The following ATP6V0D2 variants were observed in gnomAD, a reference collection of about 807,000 sequenced individuals.
ATP6V0D2 encodes the protein V-type proton ATPase subunit d 2.
A neutral mutation model predicts 40.0 loss-of-function variants in ATP6V0D2; 40 were observed. That is an observed-to-expected ratio of 1.00 (90% CI 0.78 to 1.30). The LOEUF (loss-of-function observed/expected upper bound fraction) is 1.30, where lower values mean the gene tolerates loss of function less well. Among genes scored for constraint, ATP6V0D2 ranks in the 50% most tolerant of loss-of-function variants. The probability of loss-of-function intolerance (pLI) is 0.00; values close to 1 mark genes in which losing one functional copy is unlikely to be tolerated. For missense variants in ATP6V0D2, 470 were observed against 423.1 expected (o/e 1.11, Z -0.97); for synonymous variants, 179 against 156.3 (o/e 1.15, Z -1.08).
At chr8:86,103,291 ATTTT>A (rs938035037) in intron 1 of ATP6V0D2, among the ~76,000 whole-genome samples, 2 of 107,456 alleles carry the variant, frequency 1.9e-5, no homozygotes, top group African/African-American at 3.4e-5. Flanking sequence ...CTAGTTTTGT[ATTTT>A]TTTTTTTTTT....
chr8:86,139,709 C>A, intron 3 of ATP6V0D2, 74 bp downstream of exon 3: 1 of 1,452,578 alleles, frequency 6.9e-7, no homozygotes, highest in Non-Finnish European at 9.2e-7. Context: ...CTATTTTTTT[C>A]TTCCCTGTGG....
Position 86,139,453 on chromosome 8 carries a change from C to T in ATP6V0D2, c.303-4C>T. 1 of 1,597,654 alleles carries T rather than the reference C, an allele frequency of 6.3e-7. No homozygotes were observed. The highest frequency in any genetic ancestry group is 1.8e-5 in the Admixed American group (1 of 56,712). Reference sequence around the variant, plus strand: ...TCTAATGATTGAGTTGTCTTCTGAACCAGGTGCAGTTATATGATAGACAAT... The same window carrying T: ...TCTAATGATTGAGTTGTCTTCTGAATCAGGTGCAGTTATATGATAGACAAT... On this transcript the variant is annotated splice_polypyrimidine_tract_variant and splice_region_variant and intron_variant, in intron 2 of 7. Transcript: ENST00000285393.
chr8:86,140,359 C>T (rs1818956075), intron 3 of ATP6V0D2, among the ~76,000 whole-genome samples: 1 of 152,020 alleles, frequency 6.6e-6, no homozygotes, highest in Admixed American at 6.6e-5. Flanking sequence ...CATCATTAAG[C>T]ACCCGATACT....
At chr8:86,102,608 A>C (rs1228852234) in intron 1 of ATP6V0D2, among the ~76,000 whole-genome samples, 1 of 152,216 alleles carries the variant, frequency 6.6e-6, no homozygotes, top group Non-Finnish European at 1.5e-5. Flanking sequence ...GTTTTGGGTA[A>C]ATTTAGAAGA....
At chr8:86,141,641 G>A (rs972921917) in intron 4 of ATP6V0D2, 112 bp downstream of exon 4, 20 of 710,956 alleles carry the variant, frequency 2.8e-5, no homozygotes, top group African/African-American at 5.4e-5. Context: ...TTATGAAACT[G>A]TGCATATTTG....
chr8:86,131,348 C>T (rs1485660869), intron 2 of ATP6V0D2, among the ~76,000 whole-genome samples: 1 of 150,334 alleles, frequency 6.7e-6, no homozygotes, highest in Admixed American at 6.6e-5. Flanking sequence ...TACAGGCGCA[C>T]ACCAACACGC....
intron 2 of ATP6V0D2, among the ~76,000 whole-genome samples, chr8:86,121,614 G>GAGA (rs1475955932): frequency 5.4e-5 from 8 of 147,942 alleles, no homozygotes; most frequent in Non-Finnish European, 1.2e-4. Context: ...GGAGGAGGAG[G>GAGA]AGGAGAAGGA....
rs1393167903 is a variant in ATP6V0D2 at position 86,136,432 on chromosome 8, A to C, written c.303-3025A>C. Reference sequence around the variant, plus strand: ...AGGGGAGGTTGTGGGGAACAATTAAATGTCTGGAGTCTGCTAAGCATTATT... The same window carrying C: ...AGGGGAGGTTGTGGGGAACAATTAACTGTCTGGAGTCTGCTAAGCATTATT... On this transcript the variant is annotated intron_variant, in intron 2 of 7. Coordinates refer to ENST00000285393, the MANE Select transcript of ATP6V0D2 (RefSeq NM_152565.1). Among the ~76,000 whole-genome samples the C allele has an allele frequency of 2.6e-5, 4 of 152,230 alleles. No homozygotes were observed. The East Asian group carries it at 7.7e-4, about 29-fold the overall frequency.
intron 2 of ATP6V0D2, among the ~76,000 whole-genome samples, chr8:86,131,593 C>CG (rs1327375921): frequency 6.6e-6 from 1 of 151,438 alleles, no homozygotes; most frequent in Non-Finnish European, 1.5e-5. Context: ...TTCTGCCTCC[C>CG]GGGTTCAAGT....
At chr8:86,132,249 AT>A (rs200401160) in intron 2 of ATP6V0D2, among the ~76,000 whole-genome samples, 40 of 150,304 alleles carry the variant, frequency 2.7e-4, no homozygotes, top group Admixed American at 4.0e-4. Flanking sequence ...GGTCCATGCA[AT>A]TTTTTTTTTA....
At chr8:86,146,539 T>A (rs13340600) in intron 5 of ATP6V0D2, among the ~76,000 whole-genome samples, 1 of 151,692 alleles carries the variant, frequency 6.6e-6, no homozygotes. Context: ...CTACAAAAAA[T>A]ACAGAAATTA....
Position 86,142,958 on chromosome 8 carries a change from A to G in ATP6V0D2, c.639+4A>G. 1 of 1,599,310 alleles carries G rather than the reference A, an allele frequency of 6.3e-7. No individual in the cohort carries two copies. The highest frequency in any genetic ancestry group is 8.6e-7 in the Non-Finnish European group (1 of 1,169,428). On this transcript the variant is annotated splice_donor_region_variant and intron_variant, in intron 5 of 7. Coordinates refer to ENST00000285393, the MANE Select transcript of ATP6V0D2 (RefSeq NM_152565.1). ...AGTTATGTGTCCCATTCTTGAGGTA[A>G]GAAAGAGTCCTTGAATTTTGTTATG...
chr8:86,145,546 T>C (rs1049783680), intron 5 of ATP6V0D2, among the ~76,000 whole-genome samples: 113 of 152,246 alleles, frequency 7.4e-4, no homozygotes, highest in Non-Finnish European at 1.1e-3. Flanking sequence ...ATACAGAAAG[T>C]GGATATCGAA....
chr8:86,134,400 A>T (rs1176707686), intron 2 of ATP6V0D2, among the ~76,000 whole-genome samples: 1 of 152,158 alleles, frequency 6.6e-6, no homozygotes, highest in Non-Finnish European at 1.5e-5. Context: ...AAAGGAGAAA[A>T]ATATGGGTAA....
chr8:86,127,469 T>C (rs79785629), intron 2 of ATP6V0D2, among the ~76,000 whole-genome samples: 2 of 152,010 alleles, frequency 1.3e-5, no homozygotes, highest in East Asian at 3.8e-4. Context: ...TTTTTTTTTT[T>C]AATTGAGACA....
intron 1 of ATP6V0D2, among the ~76,000 whole-genome samples, chr8:86,107,590 C>T (rs920120318): frequency 1.1e-4 from 16 of 152,162 alleles, no homozygotes; most frequent in African/African-American, 2.2e-4. Flanking sequence ...AATGGTAAAA[C>T]GCTCTACAAA....
At chr8:86,117,874 T>C (rs1412487222) in intron 2 of ATP6V0D2, among the ~76,000 whole-genome samples, 2 of 151,956 alleles carry the variant, frequency 1.3e-5, no homozygotes, top group Admixed American at 6.6e-5. Context: ...GTGTGCCATA[T>C]AGGAAGGAGG....
In ATP6V0D2 at chr8:86,150,262, A is replaced by T. The variant is rs1324127277; in HGVS notation, c.790A>T (p.Met264Leu). ...LLAQAEDFDQ[M>L]KNVADHYGVY... The stretch of plus-strand genomic sequence containing the variant: ...GGCTCAAGCAGAAGACTTTGACCAG[A>T]TGAAGAACGTAGCGGATCATTACGG... The change falls in exon 6 of 8, where the codon ATG (methionine) becomes TTG (leucine). Residue 264 changes from methionine (M) to leucine (L), a missense_variant. Physicochemically the swap from Met to Leu is conservative, Grantham distance 15. Coordinates refer to ENST00000285393, the MANE Select transcript of ATP6V0D2 (RefSeq NM_152565.1). The T allele has an allele frequency of 1.9e-6, 3 of 1,613,380 alleles. No individual in the cohort carries two copies. In the South Asian group the frequency reaches 3.3e-5, roughly 18 times the overall value.
intron 1 of ATP6V0D2, among the ~76,000 whole-genome samples, chr8:86,101,650 A>C (rs974479302): frequency 1.3e-5 from 2 of 152,132 alleles, no homozygotes; most frequent in Non-Finnish European, 2.9e-5. Context: ...AGTTAGCTGA[A>C]TCTGGTATCT....
Sources: gnomAD v4.1 joint callset for allele counts (sites outside exome capture counted in the v4.1 genomes callset) on GRCh38, gnomAD v4.1.1 for gene constraint, MANE v1.5 for transcripts, NCBI Gene and HGNC (gene_info 2026-07-23, HGNC 2026-07-21) for gene names.